COPA: variants seen among roughly 807,000 people sequenced by gnomAD.
COPA encodes the protein coat protein complex I subunit alpha.
A neutral mutation model predicts 158.7 loss-of-function variants in COPA; 10 were observed. That is an observed-to-expected ratio of 0.06 (90% CI 0.04 to 0.11). COPA has a LOEUF of 0.11. Among genes scored for constraint, COPA ranks in the 10% least tolerant of loss-of-function variants. COPA has a pLI of 1.00. For missense variants in COPA, 1,065 were observed against 1,536.7 expected (o/e 0.69, Z 5.13); for synonymous variants, 462 against 542.8 (o/e 0.85, Z 2.07).
intron 17 of COPA, among the ~76,000 whole-genome samples, chr1:160,300,164 AC>A (rs1204439177): frequency 2.6e-5 from 4 of 151,916 alleles, no homozygotes; most frequent in Admixed American, 6.6e-5. Flanking sequence ...ACATGGTGAA[AC>A]CCCGTCTCTA....
intron 14 of COPA, 150 bp downstream of exon 14, chr1:160,307,013 A>T: frequency 1.3e-6 from 1 of 753,506 alleles, no homozygotes; most frequent in Non-Finnish European, 2.3e-6. Flanking sequence ...AAGAGGGCTT[A>T]GTGTAGGGCT....
intron 8 of COPA, chr1:160,317,363 C>T: frequency 6.3e-7 from 1 of 1,590,966 alleles, no homozygotes; most frequent in South Asian, 1.1e-5. Context: ...CCCGAGGCCG[C>T]TGCTGTGCGG....
In COPA at chr1:160,294,812, C is replaced by T; in HGVS notation, c.2522G>A (p.Gly841Asp). 6.2e-7 allele frequency: 1 copy of T among 1,614,118 alleles called. No homozygotes were observed. Among genetic ancestry groups the T allele is most frequent in the South Asian group, 1.1e-5 (1 of 91,078 alleles). Residue 841 changes from glycine to aspartate, a missense_variant, in exon 24 of 33, where the codon GGT (glycine) becomes GAT (aspartate). Physicochemically the swap from Gly to Asp is moderately conservative, Grantham distance 94 (BLOSUM62 -1). Coordinates refer to ENST00000241704, the MANE Select transcript of COPA (RefSeq NM_004371.4). ...LAADIDIDTV[G>D]TEGWGEDAEL... The stretch of plus-strand genomic sequence containing the variant: ...TGCATCCTCTCCCCAGCCCTCTGTA[C>T]CAACAGTGTCAATGTCAATGTCAGC...
In COPA at chr1:160,314,303, T is replaced by A. The variant is rs577830391; in HGVS notation, c.707-178A>T. 3.9e-5 allele frequency among the ~76,000 whole-genome samples: 6 copies of A among 152,294 alleles called. No individual in the cohort carries two copies. The South Asian group carries it at 1.2e-3, about 32-fold the overall frequency. ...TCTCTTAATCTTTACATGTCTTGGT[T>A]CTTTCATTCTGACCCTCTTATTGAT... On this transcript the variant is annotated intron_variant, in intron 8 of 32. Transcript: ENST00000241704.
intron 13 of COPA, among the ~76,000 whole-genome samples, chr1:160,308,518 A>C (rs1658865677): frequency 6.6e-6 from 1 of 152,216 alleles, no homozygotes; most frequent in African/African-American, 2.4e-5. Flanking sequence ...AAGTGCACCC[A>C]AAAGACCATA....
chr1:160,343,208 C>T lies in COPA; in HGVS notation c.-38G>A, dbSNP rs1174964257. ...CGACTCCGATGTCTTAATCCGAGCC[C>T]CGACACACCCTGCTGCCCTTCGGAC... On this transcript the variant is annotated 5_prime_UTR_variant, in exon 1 of 33. Coordinates refer to ENST00000241704, the MANE Select transcript of COPA (RefSeq NM_004371.4). 1.9e-6 allele frequency: 3 copies of T among 1,613,712 alleles called. No homozygotes were observed. Among genetic ancestry groups the T allele is most frequent in the Non-Finnish European group, 2.5e-6 (3 of 1,179,762 alleles).
chr1:160,298,874 T>G lies in COPA; in HGVS notation c.1948A>C (p.Ser650Arg), dbSNP rs772323112. 1.2e-6 allele frequency: 2 copies of G among 1,614,208 alleles called. No homozygotes were observed. The highest frequency in any genetic ancestry group is 1.7e-6 in the Non-Finnish European group (2 of 1,180,038). ...ATGTTTCCACACTCCAGTGCCAGACTAAAGCGAGTTTTCTCATCCTTGACA... is the reference window on the plus strand; with the variant it reads ...ATGTTTCCACACTCCAGTGCCAGACGAAAGCGAGTTTTCTCATCCTTGACA... ...HFVKDEKTRF[S>R]LALECGNIEI... Residue 650 changes from serine to arginine, a missense_variant, in exon 19 of 33, where the codon AGT becomes CGT. By Grantham distance (110) the Ser-to-Arg change is moderately radical. Coordinates refer to ENST00000241704, the MANE Select transcript of COPA (RefSeq NM_004371.4).
chr1:160,290,118 G>C lies in COPA; in HGVS notation c.*39C>G. 2 of 1,597,496 alleles carry C rather than the reference G, an allele frequency of 1.3e-6. No individual in the cohort carries two copies. Among genetic ancestry groups the C allele is most frequent in the Non-Finnish European group, 1.7e-6 (2 of 1,165,466 alleles). Reference sequence around the variant, plus strand: ...GAGGATATAGACACATTCTCTGGGGGGAACATATGGTGACTGACCCATGCA... The same window carrying C: ...GAGGATATAGACACATTCTCTGGGGCGAACATATGGTGACTGACCCATGCA... On this transcript the variant is annotated 3_prime_UTR_variant, in exon 33 of 33. Coordinates refer to ENST00000241704, the MANE Select transcript of COPA (RefSeq NM_004371.4).
In COPA at chr1:160,293,257, AAGCC is replaced by A. The variant is rs767550206; in HGVS notation, c.2755-27_2755-24del. On this transcript the variant is annotated intron_variant, in intron 26 of 32. Transcript: ENST00000241704. ...GATCTAACAAGAAACAAAAAAACCC[AAGCC>A]AAGTGAAACTTTGTCCCTTCTCTAT... is the stretch of plus-strand genomic sequence containing the variant. The A allele has an allele frequency of 5.6e-5, 90 of 1,613,972 alleles. 1 individual carries two copies. The East Asian group carries it at 1.6e-3, about 30-fold the overall frequency.
Position 160,325,451 on chromosome 1 carries a change from A to G in COPA, c.606+92T>C, listed in dbSNP as rs192806623. ...CTGGCACTTAATAAGCACTCTGTAA[A>G]TATTTGTTGAAGGAATGAATAAATG... On this transcript the variant is annotated intron_variant, in intron 7 of 32. Transcript: ENST00000241704. 3.3e-3 allele frequency: 3,545 copies of G among 1,081,172 alleles called. 13 individuals carry two copies. Among genetic ancestry groups the G allele is most frequent in the Non-Finnish European group, 3.8e-3 (2,655 of 701,812 alleles). 67.0% of individuals were successfully genotyped at this position (1,081,172 alleles called of 1,614,324 possible). A position where few individuals can be genotyped will look rare whatever the true frequency, so the allele number is the denominator to read the frequency against.
At chr1:160,309,242 A>C (rs1658888002) in intron 12 of COPA, 66 bp from the exon 13 acceptor site, 1 of 1,213,602 alleles carries the variant, frequency 8.2e-7, no homozygotes, top group South Asian at 1.2e-5. Context: ...TTTCCAATTT[A>C]CTCTGACAGA....
At chr1:160,323,019 T>C (rs1012220915) in intron 8 of COPA, among the ~76,000 whole-genome samples, 3 of 135,344 alleles carry the variant, frequency 2.2e-5, no homozygotes, top group African/African-American at 1.0e-4. Flanking sequence ...ACACACACAA[T>C]GGAATATTAT....
At position 160,323,328 on chromosome 1, in the gene COPA, C is replaced by A. The variant is rs753089042; in HGVS notation, c.706+103G>T. 1.1e-5 allele frequency: 7 copies of A among 666,460 alleles called. No individual in the cohort carries two copies. The East Asian group carries it at 1.3e-4, about 12-fold the overall frequency. The allele number at this position is 666,460 out of a possible 1,614,324, so 41.3% of individuals were successfully genotyped here. ...GCTCCTGGGATTAGCATTAATTAAT[C>A]ACCTAAGGTAGAAAAATAGGTCAGA... On this transcript the variant is annotated intron_variant, in intron 8 of 32. Coordinates refer to ENST00000241704, the MANE Select transcript of COPA (RefSeq NM_004371.4).
intron 1 of COPA, among the ~76,000 whole-genome samples, chr1:160,341,352 T>C (rs1648036804): frequency 6.6e-6 from 1 of 152,242 alleles, no homozygotes; most frequent in South Asian, 2.1e-4. Flanking sequence ...GAAGTACATA[T>C]AAACATAACC....
intron 3 of COPA, among the ~76,000 whole-genome samples, chr1:160,339,187 GAC>G: frequency 7.8e-6 from 1 of 127,686 alleles, no homozygotes. Context: ...TCACCCAACA[GAC>G]ACACTGATTC....
chr1:160,318,725 A>T (rs1289731927), intron 8 of COPA, among the ~76,000 whole-genome samples: 1 of 152,038 alleles, frequency 6.6e-6, no homozygotes, highest in Non-Finnish European at 1.5e-5. Context: ...AATGGAGTTA[A>T]ATGTATAATT....
chr1:160,318,454 A>G (rs1271657640), intron 8 of COPA, among the ~76,000 whole-genome samples: 1 of 141,146 alleles, frequency 7.1e-6, no homozygotes, highest in Non-Finnish European at 1.5e-5. Flanking sequence ...CTTCATTAAA[A>G]TAAACAATAT....
intron 17 of COPA, among the ~76,000 whole-genome samples, chr1:160,302,234 T>G (rs1036286193): frequency 1.3e-5 from 2 of 152,168 alleles, no homozygotes; most frequent in Non-Finnish European, 2.9e-5. Context: ...ACTGTATTTC[T>G]AAATATCAAC....
At chr1:160,300,390 A>AATAAATAG (rs1557862900) in intron 17 of COPA, among the ~76,000 whole-genome samples, 2 of 142,696 alleles carry the variant, frequency 1.4e-5, no homozygotes, top group Non-Finnish European at 3.1e-5. Flanking sequence ...TAAATAAATA[A>AATAAATAG]ATAGAAGGAT....
Sources: gnomAD v4.1 joint callset for allele counts (sites outside exome capture counted in the v4.1 genomes callset) on GRCh38, gnomAD v4.1.1 for gene constraint, MANE v1.5 for transcripts, NCBI Gene and HGNC (gene_info 2026-07-23, HGNC 2026-07-21) for gene names.